The following SRRM4 variants were observed in gnomAD, a reference collection of about 807,000 sequenced individuals.
The protein encoded by SRRM4 is serine/arginine repetitive matrix protein 4.
SRRM4 carries 33 observed loss-of-function variants against 68.9 expected under a neutral mutation model. The observed-to-expected ratio is 0.48, with a 90% CI of 0.36 to 0.64. The LOEUF (loss-of-function observed/expected upper bound fraction) is 0.64. Ranked by LOEUF, SRRM4 falls within the 30% of genes least tolerant of loss-of-function variation. The pLI is 0.00. For synonymous variants in SRRM4, 318 were observed against 318.8 expected (o/e 1.00, Z 0.03); for missense variants, 817 against 827.1 (o/e 0.99, Z 0.15).
intron 1 of SRRM4, among the ~76,000 whole-genome samples, chr12:119,058,753 C>G (rs542306801): frequency 1.3e-5 from 2 of 152,164 alleles, no homozygotes; most frequent in Non-Finnish European, 2.9e-5. Flanking sequence ...AGAGGACACA[C>G]TCCAGCTCCA....
chr12:119,070,280 T>C (rs1209327741), intron 1 of SRRM4, among the ~76,000 whole-genome samples: 1 of 151,166 alleles, frequency 6.6e-6, no homozygotes, highest in African/African-American at 2.4e-5. Context: ...CTTTCAAGCA[T>C]ACGTTCATTC....
At chr12:119,034,023 G>C (rs1357444753) in intron 1 of SRRM4, among the ~76,000 whole-genome samples, 2 of 152,310 alleles carry the variant, frequency 1.3e-5, no homozygotes, top group Non-Finnish European at 2.9e-5. Context: ...TGTCTGGACA[G>C]TGGGGTCTGA....
intron 8 of SRRM4, chr12:119,144,412 C>G (rs1954387851): frequency 6.6e-6 from 1 of 152,182 alleles, no homozygotes; most frequent in African/African-American, 2.4e-5. Context: ...AACCAAAACT[C>G]AAAGTTCAGG....
intron 9 of SRRM4, among the ~76,000 whole-genome samples, chr12:119,150,493 A>G (rs1400893261): frequency 1.3e-5 from 2 of 152,186 alleles, no homozygotes; most frequent in Non-Finnish European, 2.9e-5. Context: ...AATAAAAGGT[A>G]CCTATAAAAA....
intron 1 of SRRM4, among the ~76,000 whole-genome samples, chr12:119,018,339 T>C (rs1953494223): frequency 6.6e-6 from 1 of 152,178 alleles, no homozygotes; most frequent in Admixed American, 6.5e-5. Context: ...ATGGATTCCT[T>C]GTGCAAATTT....
At chr12:119,058,991 T>G (rs938719560) in intron 1 of SRRM4, among the ~76,000 whole-genome samples, 17 of 152,124 alleles carry the variant, frequency 1.1e-4, no homozygotes, top group African/African-American at 4.1e-4. Context: ...ATCCTGCAAT[T>G]ACCTCTCCTT....
chr12:119,136,123 A>G (rs1954326477), intron 8 of SRRM4, among the ~76,000 whole-genome samples: 1 of 152,176 alleles, frequency 6.6e-6, no homozygotes. Context: ...AACTTATCCC[A>G]AATAAACCCA....
chr12:119,103,417 T>C (rs4767780), intron 2 of SRRM4, among the ~76,000 whole-genome samples: 11,728 of 152,208 alleles, frequency 0.077, 508 homozygotes, highest in Admixed American at 0.1. Flanking sequence ...CATCCACCCT[T>C]TCTCGTCAAG....
chr12:119,020,480 C>T (rs1594030048), intron 1 of SRRM4, among the ~76,000 whole-genome samples: 2 of 152,276 alleles, frequency 1.3e-5, no homozygotes, highest in East Asian at 3.9e-4. Context: ...AACCCAGTGG[C>T]CCCGGGCAGG....
At chr12:119,039,153 G>A (rs1728239142) in intron 1 of SRRM4, among the ~76,000 whole-genome samples, 1 of 152,128 alleles carries the variant, frequency 6.6e-6, no homozygotes, top group African/African-American at 2.4e-5. Context: ...ACCAAACTGG[G>A]GCACCAACAC....
chr12:119,051,406 G>A (rs1270490230), intron 1 of SRRM4, among the ~76,000 whole-genome samples: 1 of 152,180 alleles, frequency 6.6e-6, no homozygotes, highest in African/African-American at 2.4e-5. Context: ...GCTCAGAGAT[G>A]TGTCTTAGAA....
chr12:119,059,790 AT>A (rs1430234654), intron 1 of SRRM4, among the ~76,000 whole-genome samples: 2 of 152,136 alleles, frequency 1.3e-5, no homozygotes, highest in Non-Finnish European at 2.9e-5. Flanking sequence ...CTACCAAGAA[AT>A]TTTTATCCAT....
At chr12:119,078,646 A>G (rs936561821) in intron 1 of SRRM4, among the ~76,000 whole-genome samples, 25 of 152,232 alleles carry the variant, frequency 1.6e-4, no homozygotes, top group African/African-American at 6.0e-4. Context: ...TAAGCTGGGC[A>G]TGATGGCTGA....
At position 119,030,616 on chromosome 12, in the gene SRRM4, C is replaced by A. The variant is rs376835998; in HGVS notation, c.131+48603C>A. Among the ~76,000 whole-genome samples the A allele has an allele frequency of 1.5e-4, 23 of 152,234 alleles. 1 individual carries two copies. The highest frequency in any genetic ancestry group is 5.5e-4 in the African/African-American group (23 of 41,560). ...TTATTGGTATATCTGCAGTCTTTTT[C>A]TCTATGCATATCTGTATATCTCTCT... On this transcript the variant is annotated intron_variant, in intron 1 of 12. Transcript: ENST00000267260.
chr12:119,102,006 G>C (rs528430453), intron 1 of SRRM4, among the ~76,000 whole-genome samples: 1 of 152,180 alleles, frequency 6.6e-6, no homozygotes, highest in African/African-American at 2.4e-5. Context: ...CTCTAAAGTC[G>C]CTATGACAGA....
intron 1 of SRRM4, among the ~76,000 whole-genome samples, chr12:119,039,025 A>AC (rs751975866): frequency 2.6e-5 from 4 of 152,222 alleles, no homozygotes; most frequent in African/African-American, 4.8e-5. Flanking sequence ...CAAGTACTGA[A>AC]CAGGGAGCTG....
chr12:119,055,066 A>G (rs1953767901), intron 1 of SRRM4, among the ~76,000 whole-genome samples: 1 of 152,178 alleles, frequency 6.6e-6, no homozygotes, highest in South Asian at 2.1e-4. Context: ...GACTGAAAGT[A>G]GAGAAGGGGC....
At position 119,156,903 on chromosome 12, in the gene SRRM4, C is replaced by A; in HGVS notation, c.*105C>A. 1 of 1,333,592 alleles carries A rather than the reference C, an allele frequency of 7.5e-7. No homozygotes were observed. The highest frequency in any genetic ancestry group is 2.5e-5 in the East Asian group (1 of 39,364). 82.6% of individuals were successfully genotyped at this position (1,333,592 alleles called of 1,614,324 possible). ...GTGACAAATAGTGAGGGCTCCTATA[C>A]CTTGTCCTTCCTGCTTGCCTAGGGG... On this transcript the variant is annotated 3_prime_UTR_variant, in exon 13 of 13. Transcript: ENST00000267260.
intron 8 of SRRM4, among the ~76,000 whole-genome samples, chr12:119,138,793 T>C (rs1461712914): frequency 1.3e-5 from 2 of 152,216 alleles, no homozygotes; most frequent in Admixed American, 6.5e-5. Flanking sequence ...ATTATTTCAT[T>C]TGGCCATTAA....
Sources: gnomAD v4.1 joint callset for allele counts (sites outside exome capture counted in the v4.1 genomes callset) on GRCh38, gnomAD v4.1.1 for gene constraint, MANE v1.5 for transcripts, NCBI Gene and HGNC (gene_info 2026-07-23, HGNC 2026-07-21) for gene names.